The following PLCZ1 variants were observed in gnomAD, a reference collection of about 807,000 sequenced individuals.
PLCZ1 encodes the protein 1-phosphatidylinositol 4,5-bisphosphate phosphodiesterase zeta-1.
In PLCZ1, 64 loss-of-function variants were observed where a neutral mutation model predicts 76.8. That is an observed-to-expected ratio of 0.83 (90% CI 0.68 to 1.03). The LOEUF (loss-of-function observed/expected upper bound fraction) is 1.03. Among genes scored for constraint, PLCZ1 ranks in the 50% least tolerant of loss-of-function variants. The pLI, the probability that PLCZ1 is intolerant of heterozygous loss-of-function variation, is 0.00. For synonymous variants in PLCZ1, 248 were observed against 230.8 expected, an observed-to-expected ratio of 1.07 and a Z score of -0.68; for missense variants, 751 against 713.7, an observed-to-expected ratio of 1.05 and a Z score of -0.60.
chr12:18,722,935 A>G (rs1958531297), intron 4 of PLCZ1, among the ~76,000 whole-genome samples: 1 of 152,036 alleles, frequency 6.6e-6, no homozygotes, highest in Non-Finnish European at 1.5e-5. Flanking sequence ...ATGCATTAAA[A>G]TGGAAGACCA....
the PLCZ1 span, among the ~76,000 whole-genome samples, chr12:18,647,219 T>C: frequency 3.3e-5 from 5 of 152,108 alleles, no homozygotes; most frequent in African/African-American, 1.2e-4. Flanking sequence ...TGCATTTAAG[T>C]AGCACAGGAA....
chr12:18,710,602 A>G (rs1957180980), intron 6 of PLCZ1, among the ~76,000 whole-genome samples: 1 of 152,146 alleles, frequency 6.6e-6, no homozygotes, highest in Non-Finnish European at 1.5e-5. Context: ...GCAGGGGAAT[A>G]AGAAAAGAAG....
At chr12:18,722,120 C>T (rs1203955189) in intron 4 of PLCZ1, among the ~76,000 whole-genome samples, 1 of 152,030 alleles carries the variant, frequency 6.6e-6, no homozygotes, top group Non-Finnish European at 1.5e-5. Context: ...CCCTTCTTGT[C>T]ATTTAAGTCT....
downstream of PLCZ1, among the ~76,000 whole-genome samples, chr12:18,681,903 C>T (rs572625746): frequency 6.6e-6 from 1 of 152,100 alleles, no homozygotes; most frequent in South Asian, 2.1e-4. Context: ...CTTTAAATTT[C>T]ATGGAATTCC....
intron 13 of PLCZ1, 80 bp downstream of exon 13, chr12:18,688,009 A>G (rs938397983): frequency 2.6e-6 from 4 of 1,561,902 alleles, no homozygotes. Context: ...AATATGTACA[A>G]AAACTCTATC....
rs761416193 is a variant in PLCZ1, at chr12:18,705,174, A to C, written c.856T>G (p.Ser286Ala). The stretch of plus-strand genomic sequence containing the variant: ...TCAGAAAAAAATGTTACCTCTGGTG[A>C]TGGTAGAGTATCAGGAAAATCATCA... ...MLDDFPDTLP[S>A]PEALKFKILV... The change falls in exon 7 of 15, where the codon TCA becomes GCA. Residue 286 changes from serine to alanine, a missense_variant. Coordinates refer to ENST00000266505, the MANE Select transcript of PLCZ1 (RefSeq NM_033123.4). 3.3e-5 allele frequency: 53 copies of C among 1,613,860 alleles called. No homozygotes were observed. Among genetic ancestry groups the C allele is most frequent in the Non-Finnish European group, 4.3e-5 (51 of 1,179,990 alleles).
chr12:18,684,337 A>G (rs1231053721), intron 13 of PLCZ1, 58 bp from the exon 14 acceptor site: 1 of 1,502,222 alleles, frequency 6.7e-7, no homozygotes, highest in African/African-American at 1.4e-5. Flanking sequence ...AGGAAAAAAT[A>G]GATTACATTT....
At chr12:18,687,377 A>G (rs1953318413) in intron 13 of PLCZ1, among the ~76,000 whole-genome samples, 1 of 152,148 alleles carries the variant, frequency 6.6e-6, no homozygotes, top group South Asian at 2.1e-4. Flanking sequence ...ATATCCCTTG[A>G]AGAAGATTCC....
chr12:18,737,630 C>G (rs1959531948), intron 1 of PLCZ1, 121 bp from the exon 2 acceptor site: 1 of 592,176 alleles, frequency 1.7e-6, no homozygotes, highest in Admixed American at 2.7e-5. Context: ...GCCCTTGAAA[C>G]TGTTTGGCTT....
the PLCZ1 span, among the ~76,000 whole-genome samples, chr12:18,649,539 T>A: frequency 6.6e-6 from 1 of 152,100 alleles, no homozygotes; most frequent in African/African-American, 2.4e-5. Flanking sequence ...TCCCTGCCAA[T>A]TGCTGACCCA....
chr12:18,673,902 T>C, the PLCZ1 span, among the ~76,000 whole-genome samples: 1 of 152,186 alleles, frequency 6.6e-6, no homozygotes, highest in African/African-American at 2.4e-5. Context: ...GCTTGCTTCA[T>C]CATAGTGTGC....
chr12:18,683,826 T>C (rs1401222702), intron 14 of PLCZ1, among the ~76,000 whole-genome samples: 4 of 151,942 alleles, frequency 2.6e-5, no homozygotes, highest in African/African-American at 9.7e-5. Flanking sequence ...CCACCCATCA[T>C]CATTTCTTTA....
At chr12:18,696,020 G>T in intron 11 of PLCZ1, 130 bp downstream of exon 11, 1 of 572,084 alleles carries the variant, frequency 1.7e-6, no homozygotes. Context: ...CACCATTAGT[G>T]CCTGACCCCA....
At chr12:18,718,103 T>G (rs1297798702) in intron 5 of PLCZ1, among the ~76,000 whole-genome samples, 1 of 152,126 alleles carries the variant, frequency 6.6e-6, no homozygotes, top group African/African-American at 2.4e-5. Context: ...CTAGTGTAAG[T>G]GTGTTAAAGT....
chr12:18,708,565 A>G (rs1214741225), intron 6 of PLCZ1, among the ~76,000 whole-genome samples: 1 of 151,972 alleles, frequency 6.6e-6, no homozygotes, highest in Non-Finnish European at 1.5e-5. Flanking sequence ...TCTATTTTTT[A>G]TTTCTTTAGA....
At chr12:18,690,213 G>T (rs368012095) in intron 12 of PLCZ1, among the ~76,000 whole-genome samples, 114 of 148,720 alleles carry the variant, frequency 7.7e-4, no homozygotes, top group Non-Finnish European at 1.2e-3. Flanking sequence ...TCTGTTTTTT[G>T]TTTGTTTGTT....
chr12:18,646,023 GA>G, the PLCZ1 span, among the ~76,000 whole-genome samples: 2 of 152,212 alleles, frequency 1.3e-5, no homozygotes, highest in South Asian at 4.1e-4. Context: ...TAGAGAAAAG[GA>G]AAAGGAGTTT....
chr12:18,689,474 G>A (rs1953729062), intron 12 of PLCZ1, among the ~76,000 whole-genome samples: 1 of 152,126 alleles, frequency 6.6e-6, no homozygotes, highest in African/African-American at 2.4e-5. Context: ...GCTATCGTTA[G>A]TGTTAGTGTA....
chr12:18,691,504 T>C (rs1954079122), intron 12 of PLCZ1, among the ~76,000 whole-genome samples: 1 of 152,002 alleles, frequency 6.6e-6, no homozygotes, highest in Non-Finnish European at 1.5e-5. Flanking sequence ...TTAGTTAACA[T>C]AAATATCTTA....
Sources: gnomAD v4.1 joint callset for allele counts (sites outside exome capture counted in the v4.1 genomes callset) on GRCh38, gnomAD v4.1.1 for gene constraint, MANE v1.5 for transcripts, NCBI Gene and HGNC (gene_info 2026-07-23, HGNC 2026-07-21) for gene names.